The following ARMH3 variants were observed in gnomAD, a reference collection of about 807,000 sequenced individuals.
ARMH3 encodes armadillo like helical domain containing 3, also known as armadillo-like helical domain-containing protein 3.
In ARMH3, 60 loss-of-function variants were observed where a neutral mutation model predicts 99.1. The observed-to-expected ratio is 0.61, with a 90% CI of 0.49 to 0.75. The LOEUF (loss-of-function observed/expected upper bound fraction) is 0.75, where lower values mean the gene tolerates loss of function less well. ARMH3 is among the 30% of genes least tolerant of loss of function. ARMH3 has a pLI of 0.00. For synonymous variants in ARMH3, 285 were observed against 292.8 expected, an observed-to-expected ratio of 0.97 and a Z score of 0.27; for missense variants, 679 against 843.1, an observed-to-expected ratio of 0.81 and a Z score of 2.41.
chr10:102,017,982 T>C (rs188720168), intron 8 of ARMH3, among the ~76,000 whole-genome samples: 2 of 152,246 alleles, frequency 1.3e-5, no homozygotes, highest in Admixed American at 1.3e-4. Flanking sequence ...CAAAAATCAC[T>C]AGGTGAAGAT....
intron 19 of ARMH3, among the ~76,000 whole-genome samples, chr10:101,976,734 T>C (rs1278040088): frequency 6.6e-6 from 1 of 152,082 alleles, no homozygotes; most frequent in African/African-American, 2.4e-5. Context: ...ATAAATAAAA[T>C]CTATTAAAAA....
At chr10:102,048,236 C>CTGTA (rs1408736842) in intron 1 of ARMH3, among the ~76,000 whole-genome samples, 1 of 152,212 alleles carries the variant, frequency 6.6e-6, no homozygotes, top group African/African-American at 2.4e-5. Flanking sequence ...TCCTTTGGGA[C>CTGTA]TGTAGCCCAT....
intron 24 of ARMH3, among the ~76,000 whole-genome samples, chr10:101,868,121 G>C (rs2067047538): frequency 6.6e-6 from 1 of 152,138 alleles, no homozygotes; most frequent in African/African-American, 2.4e-5. Context: ...TTACAAAAGA[G>C]GTTGCAGATA....
chr10:101,974,394 G>C (rs920512067), intron 20 of ARMH3, among the ~76,000 whole-genome samples: 1 of 152,124 alleles, frequency 6.6e-6, no homozygotes, highest in African/African-American at 2.4e-5. Context: ...TCCCATGGGT[G>C]GGCAACCCTT....
intron 2 of ARMH3, among the ~76,000 whole-genome samples, chr10:102,038,252 G>A (rs2067325198): frequency 6.6e-6 from 1 of 151,492 alleles, no homozygotes; most frequent in Non-Finnish European, 1.5e-5. Flanking sequence ...CCACCACCAT[G>A]CTCAGCTAAT....
intron 23 of ARMH3, among the ~76,000 whole-genome samples, chr10:101,926,953 A>G (rs928144458): frequency 1.1e-4 from 16 of 152,140 alleles, no homozygotes; most frequent in African/African-American, 2.7e-4. Flanking sequence ...GGATTGGTAT[A>G]TAGACTCTAG....
chr10:101,967,140 C>G (rs1402726892), intron 20 of ARMH3, among the ~76,000 whole-genome samples: 1 of 152,062 alleles, frequency 6.6e-6, no homozygotes. Flanking sequence ...ACCACAGAAC[C>G]CAAATCAAAA....
intron 24 of ARMH3, among the ~76,000 whole-genome samples, chr10:101,871,256 A>G (rs1352186995): frequency 6.6e-6 from 1 of 152,214 alleles, no homozygotes; most frequent in African/African-American, 2.4e-5. Flanking sequence ...TAAAAGTATC[A>G]ATTCTCTTCC....
At chr10:101,936,577 TA>T (rs1011179364) in intron 23 of ARMH3, among the ~76,000 whole-genome samples, 123 of 133,900 alleles carry the variant, frequency 9.2e-4, no homozygotes, top group Admixed American at 9.0e-4. Flanking sequence ...ATGCTAAACC[TA>T]AAAAAAAAAA....
intron 15 of ARMH3, among the ~76,000 whole-genome samples, chr10:101,996,689 T>C (rs1847074233): frequency 8.7e-6 from 1 of 114,980 alleles, no homozygotes; most frequent in African/African-American, 3.0e-5. Flanking sequence ...TTAAAGTGTT[T>C]ATGAATACAA....
chr10:101,938,880 C>T (rs1350949984), intron 23 of ARMH3, among the ~76,000 whole-genome samples: 3 of 152,200 alleles, frequency 2.0e-5, no homozygotes, highest in Admixed American at 2.0e-4. Context: ...ACCCCATGCT[C>T]CCTCATCCCA....
chr10:102,029,534 A>C, intron 5 of ARMH3, 104 bp downstream of exon 5: 1 of 1,608,526 alleles, frequency 6.2e-7, no homozygotes. Context: ...AATCATCTGT[A>C]TCTTTCTGAG....
chr10:101,953,467 G>A (rs914885615), intron 22 of ARMH3, among the ~76,000 whole-genome samples: 8 of 150,846 alleles, frequency 5.3e-5, no homozygotes, highest in Non-Finnish European at 1.2e-4. Context: ...CACCATGTTA[G>A]CCAAGCTAGT....
At chr10:102,041,090 A>AATATATATATATATATATATAATATAT (rs2067406098) in intron 1 of ARMH3, among the ~76,000 whole-genome samples, 2 of 132,642 alleles carry the variant, frequency 1.5e-5, no homozygotes, top group African/African-American at 2.7e-5. Context: ...ATATATATAT[A>AATATATATATATATATATATAATATAT]ATATATATAT....
chr10:101,900,657 G>A (rs2067951241), intron 23 of ARMH3, among the ~76,000 whole-genome samples: 1 of 152,132 alleles, frequency 6.6e-6, no homozygotes. Context: ...ATGAGCAATT[G>A]ACTAGTCTTC....
intron 15 of ARMH3, among the ~76,000 whole-genome samples, chr10:102,000,310 A>G (rs2066324130): frequency 6.6e-6 from 1 of 152,198 alleles, no homozygotes; most frequent in Non-Finnish European, 1.5e-5. Flanking sequence ...ACTTCCAGGC[A>G]ATCCTAAAAC....
chr10:102,024,615 AGGCT>A (rs1026631497), intron 6 of ARMH3, among the ~76,000 whole-genome samples: 38 of 151,732 alleles, frequency 2.5e-4, no homozygotes, highest in African/African-American at 8.7e-4. Context: ...GTTCAAGATC[AGGCT>A]GGCCAACATG....
chr10:101,960,881 C>G (rs1414373204), intron 20 of ARMH3, among the ~76,000 whole-genome samples: 1 of 139,228 alleles, frequency 7.2e-6, no homozygotes, highest in African/African-American at 2.6e-5. Context: ...CAGAGCAAAA[C>G]TCCGTCTCAA....
Position 101,849,763 on chromosome 10 carries a change from G to A in ARMH3, c.1977+13C>T, listed in dbSNP as rs372441049. The A allele has an allele frequency of 1.2e-6, 2 of 1,610,484 alleles. No individual in the cohort carries two copies. The highest frequency in any genetic ancestry group is 1.1e-5 in the South Asian group (1 of 91,010). On this transcript the variant is annotated intron_variant, in intron 25 of 25. Transcript: ENST00000370033. ...GGCCCCTAAGACACAGGCAGAGGCGGTGGGGCACTCACCAGCTCTTTGAAG... is the reference window on the plus strand; with the variant it reads ...GGCCCCTAAGACACAGGCAGAGGCGATGGGGCACTCACCAGCTCTTTGAAG...
Sources: allele counts gnomAD v4.1 joint callset (sites outside exome capture counted in the v4.1 genomes callset), GRCh38; gene constraint gnomAD v4.1.1; transcripts MANE v1.5; gene names NCBI Gene and HGNC (gene_info 2026-07-23, HGNC 2026-07-21).